The following DNAAF11 variants were observed in gnomAD, a reference collection of about 807,000 sequenced individuals.
The protein encoded by DNAAF11 is leucine rich repeat containing 6.
A neutral mutation model predicts 60.8 loss-of-function variants in DNAAF11; 45 were observed. The observed-to-expected ratio is 0.74, with a 90% CI of 0.58 to 0.95. DNAAF11 has a LOEUF of 0.95. Among genes scored for constraint, DNAAF11 ranks in the 40% least tolerant of loss-of-function variants. DNAAF11 has a pLI of 0.00. For missense variants in DNAAF11, 546 were observed against 546.2 expected, an observed-to-expected ratio of 1.00 and a Z score of 0.00; for synonymous variants, 191 against 183.5, an observed-to-expected ratio of 1.04 and a Z score of -0.33.
At chr8:132,668,743 T>C (rs1331818272) in intron 1 of DNAAF11, among the ~76,000 whole-genome samples, 1 of 152,124 alleles carries the variant, frequency 6.6e-6, no homozygotes, top group Non-Finnish European at 1.5e-5. Flanking sequence ...CGCCCGGCCC[T>C]GAGCTGAATC....
intron 10 of DNAAF11, among the ~76,000 whole-genome samples, chr8:132,598,411 C>T (rs1817242603): frequency 6.6e-6 from 1 of 152,002 alleles, no homozygotes; most frequent in African/African-American, 2.4e-5. Context: ...ATAAAAATCC[C>T]CAGGTTACAG....
At chr8:132,697,724 C>A in the DNAAF11 span, among the ~76,000 whole-genome samples, 1 of 151,952 alleles carries the variant, frequency 6.6e-6, no homozygotes, top group African/African-American at 2.4e-5. Flanking sequence ...TGACTGGAAT[C>A]GTACTAGAGA....
At chr8:132,641,648 C>T (rs879613371) in intron 3 of DNAAF11, among the ~76,000 whole-genome samples, 1 of 151,998 alleles carries the variant, frequency 6.6e-6, no homozygotes, top group Non-Finnish European at 1.5e-5. Flanking sequence ...CAGGTGAAAA[C>T]TAAAGGACAG....
chr8:132,599,439 C>T (rs781437714), intron 10 of DNAAF11, among the ~76,000 whole-genome samples: 1 of 152,170 alleles, frequency 6.6e-6, no homozygotes, highest in Non-Finnish European at 1.5e-5. Flanking sequence ...CCAGCATCAT[C>T]CTGATACCAA....
At chr8:132,632,042 T>C (rs934501998) in intron 5 of DNAAF11, among the ~76,000 whole-genome samples, 4 of 150,952 alleles carry the variant, frequency 2.6e-5, no homozygotes, top group Non-Finnish European at 4.4e-5. Flanking sequence ...AAAAAAAAGA[T>C]CCAAAGCAAA....
At chr8:132,586,535 T>C (rs939044173) in intron 10 of DNAAF11, among the ~76,000 whole-genome samples, 4 of 152,178 alleles carry the variant, frequency 2.6e-5, no homozygotes, top group African/African-American at 4.8e-5. Context: ...ACCTTGTCCA[T>C]ACCAACTACC....
chr8:132,594,952 C>G (rs1282215628), intron 10 of DNAAF11, among the ~76,000 whole-genome samples: 9 of 152,052 alleles, frequency 5.9e-5, no homozygotes, highest in African/African-American at 2.2e-4. Flanking sequence ...CTCACGAGAT[C>G]TGATGGTTTG....
chr8:132,673,352 A>G (rs1213620471), intron 1 of DNAAF11, among the ~76,000 whole-genome samples: 1 of 152,164 alleles, frequency 6.6e-6, no homozygotes, highest in Non-Finnish European at 1.5e-5. Context: ...CATGTTAACC[A>G]AGCCTGGCAC....
At chr8:132,681,980 A>C in the DNAAF11 span, among the ~76,000 whole-genome samples, 2 of 152,212 alleles carry the variant, frequency 1.3e-5, no homozygotes, top group African/African-American at 4.8e-5. Flanking sequence ...GAATTTTGCC[A>C]AGATTTAAAG....
intron 1 of DNAAF11, among the ~76,000 whole-genome samples, chr8:132,666,881 A>G (rs538112118): frequency 6.6e-6 from 1 of 152,156 alleles, no homozygotes; most frequent in Non-Finnish European, 1.5e-5. Flanking sequence ...GACTTCGGAG[A>G]AGATGGCAAG....
intron 10 of DNAAF11, among the ~76,000 whole-genome samples, chr8:132,599,708 T>C (rs770617105): frequency 6.6e-6 from 1 of 152,180 alleles, no homozygotes; most frequent in Non-Finnish European, 1.5e-5. Flanking sequence ...GAAAAGGCCT[T>C]TGACAAAATT....
chr8:132,685,948 G>A, the DNAAF11 span, among the ~76,000 whole-genome samples: 3 of 152,192 alleles, frequency 2.0e-5, no homozygotes, highest in Admixed American at 2.0e-4. Flanking sequence ...TGGGGGCTGG[G>A]AATAAAGTGG....
At chr8:132,607,226 T>C (rs1818222101) in intron 10 of DNAAF11, among the ~76,000 whole-genome samples, 1 of 152,172 alleles carries the variant, frequency 6.6e-6, no homozygotes, top group Non-Finnish European at 1.5e-5. Flanking sequence ...TTCTACTACT[T>C]CACTTGCCAC....
intron 11 of DNAAF11, among the ~76,000 whole-genome samples, chr8:132,577,560 G>A (rs901496344): frequency 3.3e-5 from 5 of 152,190 alleles, no homozygotes; most frequent in Non-Finnish European, 5.9e-5. Context: ...TTATGACTAA[G>A]TTTTTATAAT....
intron 10 of DNAAF11, among the ~76,000 whole-genome samples, chr8:132,595,524 G>A (rs1048689599): frequency 3.3e-5 from 5 of 151,928 alleles, no homozygotes; most frequent in South Asian, 2.1e-4. Flanking sequence ...GTTTCAACAC[G>A]GGAATAAAGC....
chr8:132,698,959 C>A, the DNAAF11 span, among the ~76,000 whole-genome samples: 1 of 81,412 alleles, frequency 1.2e-5, no homozygotes, highest in African/African-American at 9.7e-5. Context: ...TATATATACA[C>A]ACACACACAC....
chr8:132,600,137 C>T (rs1280422540), intron 10 of DNAAF11, among the ~76,000 whole-genome samples: 2 of 152,062 alleles, frequency 1.3e-5, no homozygotes, highest in African/African-American at 4.8e-5. Context: ...TAACAGATGA[C>T]AGAGAGCCAA....
At chr8:132,693,808 G>T in the DNAAF11 span, among the ~76,000 whole-genome samples, 1 of 152,114 alleles carries the variant, frequency 6.6e-6, no homozygotes, top group Non-Finnish European at 1.5e-5. Flanking sequence ...CTGATGAGGA[G>T]AGTGCTCAAA....
At chr8:132,695,790 A>G in the DNAAF11 span, among the ~76,000 whole-genome samples, 1 of 152,176 alleles carries the variant, frequency 6.6e-6, no homozygotes, top group Non-Finnish European at 1.5e-5. Context: ...AAGCTGAATA[A>G]TAGTTAGAGT....
Sources: gnomAD v4.1 joint callset for allele counts (sites outside exome capture counted in the v4.1 genomes callset) on GRCh38, gnomAD v4.1.1 for gene constraint, MANE v1.5 for transcripts, NCBI Gene and HGNC (gene_info 2026-07-23, HGNC 2026-07-21) for gene names.